Variants in PPARA observed in about 807,000 individuals in gnomAD.
The protein encoded by PPARA is peroxisome proliferator activated receptor alpha, also known as peroxisome proliferator-activated receptor alpha.
In PPARA, 22 loss-of-function variants were observed where a neutral mutation model predicts 42.2. The observed-to-expected ratio is 0.52, with a 90% CI of 0.37 to 0.74. PPARA has a LOEUF of 0.74. Among genes scored for constraint, PPARA ranks in the 30% least tolerant of loss-of-function variants. The probability of loss-of-function intolerance (pLI) is 0.00; values close to 1 mark genes in which losing one functional copy is unlikely to be tolerated. For missense variants in PPARA, 465 were observed against 608.2 expected, an observed-to-expected ratio of 0.76 and a Z score of 2.48; for synonymous variants, 242 against 239.3, an observed-to-expected ratio of 1.01 and a Z score of -0.10.
rs1308773411 is a variant in PPARA, at chr22:46,222,870, A to T, written c.711+2856A>T. On this transcript the variant is annotated intron_variant, in intron 7 of 8. Coordinates refer to ENST00000407236, the MANE Select transcript of PPARA (RefSeq NM_005036.6). The surrounding 1 kb of genome is among the most constrained non-coding windows in gnomAD (Gnocchi z 5.9). ...TCGTCTCTACAAAAAATGATTTTTT[A>T]AAAAACTAGCTGGGCATGGTGGCAT... Among the ~76,000 whole-genome samples, 1 of 152,144 alleles carries T rather than the reference A, an allele frequency of 6.6e-6. No individual in the cohort carries two copies. The highest frequency in any genetic ancestry group is 1.5e-5 in the Non-Finnish European group (1 of 68,028).
chr22:46,218,767 G>C (rs1347087826), intron 6 of PPARA, among the ~76,000 whole-genome samples: 6 of 151,560 alleles, frequency 4.0e-5, no homozygotes, highest in African/African-American at 1.5e-4. Context: ...CCGGGAGGCG[G>C]AGGTTGCAGT....
rs138984798 is a variant in PPARA, at chr22:46,200,227, G to A, written c.208+1636G>A. Among the ~76,000 whole-genome samples, 1 of 152,344 alleles carries A rather than the reference G, an allele frequency of 6.6e-6. No homozygotes were observed. The highest frequency in any genetic ancestry group is 1.9e-4 in the East Asian group (1 of 5,186). The stretch of plus-strand genomic sequence containing the variant: ...CTTCAGCAGTGTGATAAACCTGGGT[G>A]GTGTGTACATGGGTATTACAGTCAT... On this transcript the variant is annotated intron_variant, in intron 4 of 8. Coordinates refer to ENST00000407236, the MANE Select transcript of PPARA (RefSeq NM_005036.6). This position sits in a 1 kb window ranked among gnomAD's most constrained non-coding sequence, Gnocchi z 4.8.
chr22:46,203,496 C>A lies in PPARA; in HGVS notation c.208+4905C>A, dbSNP rs996622260. Among the ~76,000 whole-genome samples, 3 of 152,098 alleles carry A rather than the reference C, an allele frequency of 2.0e-5. No individual in the cohort carries two copies. Among genetic ancestry groups the A allele is most frequent in the Admixed American group, 6.6e-5 (1 of 15,244 alleles). On this transcript the variant is annotated intron_variant, in intron 4 of 8. Transcript: ENST00000407236. This position sits in a 1 kb window ranked among gnomAD's most constrained non-coding sequence, Gnocchi z 5.8. ...TGTACACACACACGCATCTGTGAAA[C>A]CATCATCACACTCAAAATAGTGATG...
At chr22:46,155,914 G>A (rs963312675) in intron 2 of PPARA, 2 of 152,234 alleles carry the variant, frequency 1.3e-5, no homozygotes, top group Admixed American at 1.3e-4. Context: ...GCACCATGCA[G>A]GCATATTTTC....
rs755414787 is a variant in PPARA at position 46,159,130 on chromosome 22, G to T, written c.-127+7160G>T. Among the ~76,000 whole-genome samples the T allele has an allele frequency of 8.1e-4, 123 of 152,200 alleles. No homozygotes were observed. The Middle Eastern group carries it at 0.017, about 21-fold the overall frequency. On this transcript the variant is annotated intron_variant, in intron 2 of 8. Transcript: ENST00000407236. ...GGGTCTCAAACTCCTGACCTGAAGT[G>T]ATCTGCCCGCCTCAGCCACCCTAAG...
In PPARA at chr22:46,233,932, G is replaced by A. The variant is rs951973666; in HGVS notation, c.1160-1201G>A. ...TCCGCCTCCTGGGTTCAAGTGATTC[G>A]CCTGCCTCAGCCTCCTGAGTAGCTG... On this transcript the variant is annotated intron_variant, in intron 8 of 8. Transcript: ENST00000407236. This position sits in a 1 kb window ranked among gnomAD's most constrained non-coding sequence, Gnocchi z 7.3. Among the ~76,000 whole-genome samples the A allele has an allele frequency of 2.0e-5, 3 of 151,538 alleles. No individual in the cohort carries two copies. The highest frequency in any genetic ancestry group is 4.4e-5 in the Non-Finnish European group (3 of 67,924).
At position 46,235,212 on chromosome 22, in the gene PPARA, G is replaced by C. The variant is rs1288218099; in HGVS notation, c.1239G>C (p.Gln413His). 1.5e-5 allele frequency: 25 copies of C among 1,614,126 alleles called. No individual in the cohort carries two copies. Among genetic ancestry groups the C allele is most frequent in the Non-Finnish European group, 2.1e-5 (25 of 1,180,026 alleles). Residue 413 changes from glutamine (Q) to histidine (H), a missense_variant, in exon 9 of 9, where the codon CAG becomes CAC. This residue lies in a region of PPARA where 313 missense variants were observed against 469.1 expected (regional missense o/e 0.67). Transcript: ENST00000407236. This position sits in a 1 kb window ranked among gnomAD's most constrained non-coding sequence, Gnocchi z 7.0. Reference protein sequence around the residue: ...GIVHVLRLHLQSNHPDDIFLF... With the variant: ...GIVHVLRLHLHSNHPDDIFLF... Reference sequence around the variant, plus strand: ...TACATGTGCTCAGACTCCACCTGCAGAGCAACCACCCGGACGATATCTTTC... The same window carrying C: ...TACATGTGCTCAGACTCCACCTGCACAGCAACCACCCGGACGATATCTTTC...
rs952208045 is a variant in PPARA at position 46,224,691 on chromosome 22, G to A, written c.711+4677G>A. 4.6e-5 allele frequency among the ~76,000 whole-genome samples: 7 copies of A among 152,060 alleles called. No individual in the cohort carries two copies. Among genetic ancestry groups the A allele is most frequent in the African/African-American group, 1.2e-4 (5 of 41,412 alleles). On this transcript the variant is annotated intron_variant, in intron 7 of 8. Transcript: ENST00000407236. This position sits in a 1 kb window ranked among gnomAD's most constrained non-coding sequence, Gnocchi z 5.7. ...GGCCAGTAAACTAATGGATTCATAC[G>A]AACCGTAATGAACGTGGGCTGTGTG...
rs1932407770 is a variant in PPARA, at chr22:46,197,457, G to A, written c.-42-885G>A. On this transcript the variant is annotated intron_variant, in intron 3 of 8. Coordinates refer to ENST00000407236, the MANE Select transcript of PPARA (RefSeq NM_005036.6). ...GACTGAGAGATTCCTGGCCCCGTGG[G>A]CTATGGCTCCTTCAACAGTTTGTTG... 3.3e-5 allele frequency among the ~76,000 whole-genome samples: 5 copies of A among 152,328 alleles called. No individual in the cohort carries two copies. The South Asian group carries it at 1.0e-3, about 32-fold the overall frequency.
rs567297876 is a variant in PPARA at position 46,231,934 on chromosome 22, C to T, written c.854C>T (p.Thr285Met). Residue 285 changes from threonine (T) to methionine (M), a missense_variant, in exon 8 of 9, where the codon ACG (threonine) becomes ATG (methionine). Thr to Met is a moderately conservative substitution (Grantham distance 81). This residue lies in a region of PPARA where 313 missense variants were observed against 469.1 expected (regional missense o/e 0.67). Transcript: ENST00000407236. This position sits in a 1 kb window ranked among gnomAD's most constrained non-coding sequence, Gnocchi z 7.7. ...CAGTGCACGTCAGTGGAGACCGTCA[C>T]GGAGCTCACGGAATTCGCCAAGGCC... is the stretch of plus-strand genomic sequence containing the variant. ...CCQCTSVETV[T>M]ELTEFAKAIP... is the part of the protein sequence containing the mutation. The T allele has an allele frequency of 9.3e-6, 15 of 1,614,220 alleles. No homozygotes were observed. Among genetic ancestry groups the T allele is most frequent in the African/African-American group, 5.3e-5 (4 of 75,052 alleles).
chr22:46,153,529 G>T (rs1350989498), intron 2 of PPARA, among the ~76,000 whole-genome samples: 1 of 152,128 alleles, frequency 6.6e-6, no homozygotes, highest in Non-Finnish European at 1.5e-5. Context: ...TACTGCAGTG[G>T]TTTTCATTAG....
chr22:46,218,199 A>G, intron 5 of PPARA, 64 bp from the exon 6 acceptor site: 1 of 1,594,934 alleles, frequency 6.3e-7, no homozygotes, highest in Non-Finnish European at 8.6e-7. Context: ...AAAGGTGAGT[A>G]AAGCAAGTGC....
Position 46,212,668 on chromosome 22 carries a change from C to G in PPARA, c.209-2505C>G, listed in dbSNP as rs1002850073. On this transcript the variant is annotated intron_variant, in intron 4 of 8. Coordinates refer to ENST00000407236, the MANE Select transcript of PPARA (RefSeq NM_005036.6). This position sits in a 1 kb window ranked among gnomAD's most constrained non-coding sequence, Gnocchi z 4.2. ...ACAGTTTGTATATCTATTCACCTAT[C>G]TAAGGGCATCTTGGTTGCTTCCAAT... is the stretch of plus-strand genomic sequence containing the variant. 6.6e-6 allele frequency among the ~76,000 whole-genome samples: 1 copy of G among 152,150 alleles called. No individual in the cohort carries two copies. Among genetic ancestry groups the G allele is most frequent in the Non-Finnish European group, 1.5e-5 (1 of 68,030 alleles).
rs535201504 is a variant in PPARA, at chr22:46,171,100, G to A, written c.-126-5653G>A. ...TGCTTGAGCCCAGGAGGCAGAGATC[G>A]CAGTGAGCCAAGACTGCGCCACTGC... On this transcript the variant is annotated intron_variant, in intron 2 of 8. Coordinates refer to ENST00000407236, the MANE Select transcript of PPARA (RefSeq NM_005036.6). This position sits in a 1 kb window ranked among gnomAD's most constrained non-coding sequence, Gnocchi z 5.0. Among the ~76,000 whole-genome samples, 20 of 151,994 alleles carry A rather than the reference G, an allele frequency of 1.3e-4. No homozygotes were observed. In the East Asian group the frequency reaches 3.1e-3, roughly 24 times the overall value.
rs575697842 is a variant in PPARA, at chr22:46,211,913, C to T, written c.209-3260C>T. ...TTCACTATGTGGGCCAGGCTGGTCTCGAACTCCTGACCTTGTGATCCACCT... is the reference window on the plus strand; with the variant it reads ...TTCACTATGTGGGCCAGGCTGGTCTTGAACTCCTGACCTTGTGATCCACCT... On this transcript the variant is annotated intron_variant, in intron 4 of 8. Transcript: ENST00000407236. The surrounding 1 kb of genome is among the most constrained non-coding windows in gnomAD (Gnocchi z 4.1). 3.3e-5 allele frequency among the ~76,000 whole-genome samples: 5 copies of T among 152,132 alleles called. No homozygotes were observed. The highest frequency in any genetic ancestry group is 9.7e-5 in the African/African-American group (4 of 41,430).
At chr22:46,159,334 G>C (rs1925799829) in intron 2 of PPARA, among the ~76,000 whole-genome samples, 1 of 152,220 alleles carries the variant, frequency 6.6e-6, no homozygotes, top group South Asian at 2.1e-4. Context: ...AAGCAGGGCA[G>C]TATTTGACCT....
intron 2 of PPARA, among the ~76,000 whole-genome samples, chr22:46,159,859 T>C (rs1475143786): frequency 6.6e-6 from 1 of 152,192 alleles, no homozygotes; most frequent in Non-Finnish European, 1.5e-5. Flanking sequence ...TTCAAAGAAC[T>C]TGCGTGACAA....
intron 2 of PPARA, among the ~76,000 whole-genome samples, chr22:46,166,013 T>G (rs1427674029): frequency 6.6e-6 from 1 of 152,018 alleles, no homozygotes; most frequent in African/African-American, 2.4e-5. Flanking sequence ...AAAAATAAAA[T>G]ATTAATTATC....
Position 46,184,099 on chromosome 22 carries a change from A to C in PPARA, c.-43+7263A>C, listed in dbSNP as rs1315240533. Among the ~76,000 whole-genome samples the C allele has an allele frequency of 6.6e-6, 1 of 152,228 alleles. No individual in the cohort carries two copies. Among genetic ancestry groups the C allele is most frequent in the Non-Finnish European group, 1.5e-5 (1 of 68,052 alleles). On this transcript the variant is annotated intron_variant, in intron 3 of 8. Coordinates refer to ENST00000407236, the MANE Select transcript of PPARA (RefSeq NM_005036.6). The surrounding 1 kb of genome is among the most constrained non-coding windows in gnomAD (Gnocchi z 4.4). ...GTGCCTGGCATAGGATAAGGGCTCAAAAAGTGTTAGCTGGAACTACTATCA... is the reference window on the plus strand; with the variant it reads ...GTGCCTGGCATAGGATAAGGGCTCACAAAGTGTTAGCTGGAACTACTATCA...
Sources: allele counts gnomAD v4.1 joint callset (sites outside exome capture counted in the v4.1 genomes callset), GRCh38; gene constraint gnomAD v4.1.1; regional missense constraint gnomAD v4.1.1; non-coding constraint Gnocchi (gnomAD v3.1); transcripts MANE v1.5; gene names NCBI Gene and HGNC (gene_info 2026-07-23, HGNC 2026-07-21).